The following ANO7 variants were observed in gnomAD, a reference collection of about 807,000 sequenced individuals.
The protein encoded by ANO7 is anoctamin-7.
Under a neutral mutation model 115.8 loss-of-function variants are expected in ANO7, and 114 were observed. The ratio of observed to expected loss-of-function variants is 0.98; its 90% CI spans 0.85 to 1.15. The LOEUF is 1.15. ANO7 is among the 50% of genes most tolerant of loss of function. ANO7 has a pLI of 0.00. For synonymous variants in ANO7, 550 were observed against 498.2 expected (o/e 1.10, Z -1.38); for missense variants, 1,302 against 1,201.2 (o/e 1.08, Z -1.24).
chr2:241,231,361 G>GC, the ANO7 span: 1 of 146,474 alleles, frequency 6.8e-6, no homozygotes, highest in Admixed American at 7.0e-5. Flanking sequence ...TCCAGCCTGG[G>GC]CAACAGAGCA....
chr2:241,195,596 A>C, intron 3 of ANO7, 107 bp from the exon 4 acceptor site: 1 of 1,099,008 alleles, frequency 9.1e-7, no homozygotes, highest in Non-Finnish European at 1.3e-6. Flanking sequence ...CTGAGTGTCC[A>C]AGTGCATGGC....
Position 241,207,634 on chromosome 2 carries a change from T to A in ANO7, c.1041T>A (p.Pro347=). Residue 347 remains proline, a synonymous_variant, in exon 11 of 25, where the codon CCT becomes CCA. Transcript: ENST00000674324. ...FEMCPLCLDC[P]FWLLSSACAL... is the part of the protein sequence containing the mutation. Reference sequence around the variant, plus strand: ...TGTGCCCACTTTGCCTCGACTGCCCTTTCTGGCTGCTCTCCAGCGCCTGTG... The same window carrying A: ...TGTGCCCACTTTGCCTCGACTGCCCATTCTGGCTGCTCTCCAGCGCCTGTG... 1.2e-6 allele frequency: 2 copies of A among 1,613,934 alleles called. No homozygotes were observed. The highest frequency in any genetic ancestry group is 1.7e-6 in the Non-Finnish European group (2 of 1,179,988).
intron 3 of ANO7, among the ~76,000 whole-genome samples, chr2:241,195,138 C>T (rs1683351263): frequency 6.6e-6 from 1 of 152,202 alleles, no homozygotes; most frequent in African/African-American, 2.4e-5. Flanking sequence ...ATTCAAATGC[C>T]CATTCGCCTC....
At chr2:241,194,863 T>C (rs1159012927) in intron 3 of ANO7, among the ~76,000 whole-genome samples, 1 of 152,224 alleles carries the variant, frequency 6.6e-6, no homozygotes, top group African/African-American at 2.4e-5. Context: ...CACCGGGTTC[T>C]TGGATAGATC....
chr2:241,235,523 T>C, the ANO7 span: 2 of 1,614,110 alleles, frequency 1.2e-6, no homozygotes, highest in Non-Finnish European at 1.7e-6. Flanking sequence ...GGATCCCACT[T>C]CCTTTCTGCC....
chr2:241,237,820 T>G, the ANO7 span, among the ~76,000 whole-genome samples: 1 of 152,234 alleles, frequency 6.6e-6, no homozygotes, highest in Non-Finnish European at 1.5e-5. Flanking sequence ...ATCAAAGTTT[T>G]AAATAACCAC....
chr2:241,212,792 C>T (rs1254286280), intron 17 of ANO7, 166 bp downstream of exon 17: 7 of 691,996 alleles, frequency 1.0e-5, no homozygotes, highest in East Asian at 2.8e-5. Flanking sequence ...CCCAGCCTCT[C>T]TTCACCACTT....
At chr2:241,217,543 G>T in intron 19 of ANO7, 143 bp from the exon 20 acceptor site, 5 of 968,200 alleles carry the variant, frequency 5.2e-6, no homozygotes, top group South Asian at 1.6e-5. Flanking sequence ...GGTCCAGGAC[G>T]AGGGAGACCA....
At chr2:241,207,464 G>A (rs1393138867) in intron 10 of ANO7, 110 bp from the exon 11 acceptor site, 1 of 784,974 alleles carries the variant, frequency 1.3e-6, no homozygotes, top group East Asian at 2.5e-5. Context: ...CAAAGGCAGT[G>A]GTGGACAGAG....
chr2:241,195,994 G>A, intron 4 of ANO7, 149 bp downstream of exon 4: 1 of 1,531,740 alleles, frequency 6.5e-7, no homozygotes, highest in Non-Finnish European at 8.8e-7. Context: ...GCCACCGTGA[G>A]CTCCTCCGTG....
At chr2:241,229,734 CGCAA>C (rs1559468102), downstream of ANO7, 4 of 1,611,216 alleles carry the variant, frequency 2.5e-6, no homozygotes, top group South Asian at 4.4e-5. Context: ...CTCCCCAACT[CGCAA>C]GCAGCTTCCG....
chr2:241,205,055 G>A (rs1189657203), intron 10 of ANO7, 100 bp downstream of exon 10: 1 of 946,880 alleles, frequency 1.1e-6, no homozygotes, highest in African/African-American at 1.6e-5. Context: ...GCAGACAGCT[G>A]GTGCTTGAGG....
intron 17 of ANO7, 33 bp downstream of exon 17, chr2:241,212,659 G>A: frequency 6.3e-7 from 1 of 1,596,884 alleles, no homozygotes; most frequent in Admixed American, 1.7e-5. Flanking sequence ...ACTGGGGGAT[G>A]AGCTGTGTGC....
the ANO7 span, chr2:241,234,062 C>T: frequency 7.2e-7 from 1 of 1,389,902 alleles, no homozygotes; most frequent in Non-Finnish European, 1.0e-6. Context: ...GGAGATGCTG[C>T]AGTGTTCTGT....
At chr2:241,201,413 C>A in intron 7 of ANO7, 58 bp downstream of exon 7, 3 of 1,554,676 alleles carry the variant, frequency 1.9e-6, no homozygotes, top group Non-Finnish European at 2.6e-6. Context: ...GAGGATCCTG[C>A]CAGCCCCCAG....
chr2:241,218,857 T>C (rs556483200), intron 21 of ANO7, among the ~76,000 whole-genome samples: 9 of 152,342 alleles, frequency 5.9e-5, no homozygotes, highest in African/African-American at 1.9e-4. Flanking sequence ...ATACATCAGC[T>C]AACGGTACAA....
At chr2:241,207,797 C>T (rs1038289821) in intron 11 of ANO7, 127 bp downstream of exon 11, 25 of 828,252 alleles carry the variant, frequency 3.0e-5, no homozygotes, top group Non-Finnish European at 4.8e-5. Flanking sequence ...AAAGGCAGAA[C>T]GCTCCATGAG....
chr2:241,235,547 G>T, the ANO7 span: 1 of 1,614,128 alleles, frequency 6.2e-7, no homozygotes, highest in Non-Finnish European at 8.5e-7. Flanking sequence ...TAACGTAACG[G>T]TGAAGGTCAA....
At chr2:241,208,954 C>A (rs1165647449) in intron 11 of ANO7, among the ~76,000 whole-genome samples, 3 of 152,110 alleles carry the variant, frequency 2.0e-5, no homozygotes, top group Non-Finnish European at 4.4e-5. Flanking sequence ...TCGAGACCAT[C>A]CTGGCTAACA....
Sources: allele counts gnomAD v4.1 joint callset (sites outside exome capture counted in the v4.1 genomes callset), GRCh38; gene constraint gnomAD v4.1.1; transcripts MANE v1.5; gene names NCBI Gene and HGNC (gene_info 2026-07-23, HGNC 2026-07-21).